MKRN2: variants seen among roughly 807,000 people sequenced by gnomAD.
MKRN2 encodes makorin ring finger protein 2.
A neutral mutation model predicts 45.4 loss-of-function variants in MKRN2; 32 were observed. That is an observed-to-expected ratio of 0.70 (90% CI 0.53 to 0.95). The LOEUF (loss-of-function observed/expected upper bound fraction) is 0.95. MKRN2 is among the 40% of genes least tolerant of loss of function. The pLI is 0.00. For synonymous variants in MKRN2, 206 were observed against 192.4 expected (o/e 1.07, Z -0.59); for missense variants, 526 against 536.7 (o/e 0.98, Z 0.20).
rs775083254 is a variant in MKRN2 at position 12,568,975 on chromosome 3, G to T, written c.127G>T (p.Gly43Cys). The stretch of plus-strand genomic sequence containing the variant: ...CACCATCTGCAAGTACTACCAGAAG[G>T]GCTACTGTGCCTATGGAACTCGGTG... ...PSTICKYYQK[G>C]YCAYGTRCRY... is the part of the protein sequence containing the mutation. The change falls in exon 2 of 8, where the codon GGC becomes TGC. Residue 43 changes from glycine to cysteine, a missense_variant. Gly to Cys is a radical substitution (Grantham distance 159, BLOSUM62 -3). Transcript: ENST00000170447. The T allele has an allele frequency of 6.2e-7, 1 of 1,614,052 alleles. No individual in the cohort carries two copies. The highest frequency in any genetic ancestry group is 8.5e-7 in the Non-Finnish European group (1 of 1,180,030).
At chr3:12,566,579 A>C (rs934016336) in intron 1 of MKRN2, among the ~76,000 whole-genome samples, 3 of 151,592 alleles carry the variant, frequency 2.0e-5, no homozygotes, top group African/African-American at 7.3e-5. Flanking sequence ...TGTATTTTTC[A>C]CTTCTAGAAG....
chr3:12,559,179 C>A (rs901258909), intron 1 of MKRN2, among the ~76,000 whole-genome samples: 3 of 152,156 alleles, frequency 2.0e-5, no homozygotes, highest in Non-Finnish European at 1.5e-5. Context: ...CGATGACTGC[C>A]TTGCCAAATA....
At chr3:12,558,901 T>C (rs549245737) in intron 1 of MKRN2, among the ~76,000 whole-genome samples, 2 of 152,334 alleles carry the variant, frequency 1.3e-5, no homozygotes, top group Admixed American at 6.5e-5. Flanking sequence ...CAACCAGCGC[T>C]CTTCCACAGA....
chr3:12,570,702 T>C (rs2058093220), intron 3 of MKRN2, among the ~76,000 whole-genome samples: 1 of 151,552 alleles, frequency 6.6e-6, no homozygotes. Context: ...CATGGTTTAG[T>C]AGAAACCCTG....
chr3:12,571,726 G>T (rs905751373), intron 3 of MKRN2, among the ~76,000 whole-genome samples: 2 of 152,026 alleles, frequency 1.3e-5, no homozygotes, highest in African/African-American at 4.8e-5. Flanking sequence ...CTGTTTTTTT[G>T]TTTGTTTTAG....
chr3:12,573,362 C>CA (rs75408992), intron 4 of MKRN2, among the ~76,000 whole-genome samples: 3,896 of 126,472 alleles, frequency 0.031, 64 homozygotes, highest in Non-Finnish European at 0.045. Flanking sequence ...CCCGTCTCTA[C>CA]AAAAAAAAAA....
In MKRN2 at chr3:12,582,536, GGATT is replaced by G. The variant is rs541523542; in HGVS notation, c.*289_*292del. The G allele has an allele frequency of 6.2e-4, 195 of 312,834 alleles. 2 individuals are homozygous for G. The highest frequency in any genetic ancestry group is 1.9e-3 in the Middle Eastern group (2 of 1,030). 19.4% of individuals were successfully genotyped at this position (312,834 alleles called of 1,614,324 possible). ...CAACTAACAAACACCCAAACTGTTT[GGATT>G]GATTGCTTTAAAAAACAAACCTGGC... On this transcript the variant is annotated 3_prime_UTR_variant, in exon 8 of 8. Transcript: ENST00000170447.
intron 1 of MKRN2, among the ~76,000 whole-genome samples, chr3:12,566,452 G>GTT (rs1373013776): frequency 3.1e-5 from 3 of 95,508 alleles, no homozygotes; most frequent in Admixed American, 1.0e-4. Context: ...AAGCAAGTTT[G>GTT]TTTCTCTCTC....
intron 1 of MKRN2, among the ~76,000 whole-genome samples, chr3:12,560,478 TAAAAAAAAAA>T (rs10651248): frequency 8.0e-6 from 1 of 124,970 alleles, no homozygotes; most frequent in Non-Finnish European, 1.7e-5. Context: ...TAGGAAAATG[TAAAAAAAAAA>T]AAAAAAAAAG....
chr3:12,578,967 CCCCAGCCTGTAGAAAAGGGT>C lies in MKRN2; in HGVS notation c.968+2242_968+2261del, dbSNP rs569125763. Reference sequence around the variant, plus strand: ...AGGGGTCCCAGCTTGTAGAAAAGGGCCCCAGCCTGTAGAAAAGGGTCCCAGCCTGTAGAAAGGGGCTCTGC... The same window carrying C: ...AGGGGTCCCAGCTTGTAGAAAAGGGCCCCAGCCTGTAGAAAGGGGCTCTGC... On this transcript the variant is annotated intron_variant, in intron 6 of 7. Transcript: ENST00000170447. 4.7e-3 allele frequency among the ~76,000 whole-genome samples: 717 copies of C among 151,212 alleles called. 8 individuals are homozygous for C. Among genetic ancestry groups the C allele is most frequent in the African/African-American group, 0.016 (666 of 41,168 alleles).
chr3:12,563,095 C>T, intron 1 of MKRN2, among the ~76,000 whole-genome samples: 1 of 152,128 alleles, frequency 6.6e-6, no homozygotes, highest in East Asian at 1.9e-4. Context: ...CTGGGGAAAG[C>T]CTAGCTGACT....
chr3:12,575,501 CAG>C (rs1179694521), intron 5 of MKRN2, among the ~76,000 whole-genome samples: 10 of 152,300 alleles, frequency 6.6e-5, no homozygotes, highest in East Asian at 1.9e-4. Flanking sequence ...TCCAGCAGGA[CAG>C]GGGAAGAGCT....
At chr3:12,566,832 A>T (rs1250012459) in intron 1 of MKRN2, among the ~76,000 whole-genome samples, 2 of 151,982 alleles carry the variant, frequency 1.3e-5, no homozygotes, top group Non-Finnish European at 2.9e-5. Flanking sequence ...CGAACTCCTG[A>T]CCTCTGGTCA....
chr3:12,570,276 T>G (rs2058090695), intron 3 of MKRN2, 24 bp downstream of exon 3: 8 of 1,600,940 alleles, frequency 5.0e-6, no homozygotes, highest in Non-Finnish European at 6.0e-6. Context: ...AGCCTTTTGT[T>G]GCGTCTTTTT....
Position 12,572,224 on chromosome 3 carries a change from A to G in MKRN2, c.493A>G (p.Ser165Gly). Reference protein sequence around the residue: ...LDDVEASSSYSNEQQLCPYAA... With the variant: ...LDDVEASSSYGNEQQLCPYAA... ...TGACGTGGAGGCCAGCAGCTCCTAC[A>G]GCAACGAGCAGCAGCTGTGCCCCTA... is the stretch of plus-strand genomic sequence containing the variant. The change falls in exon 4 of 8, where the codon AGC (serine) becomes GGC (glycine). Residue 165 changes from serine (S) to glycine (G), a missense_variant. Physicochemically the swap from Ser to Gly is moderately conservative, Grantham distance 56. Coordinates refer to ENST00000170447, the MANE Select transcript of MKRN2 (RefSeq NM_014160.5). 1.2e-6 allele frequency: 2 copies of G among 1,614,110 alleles called. No individual in the cohort carries two copies. The highest frequency in any genetic ancestry group is 8.5e-7 in the Non-Finnish European group (1 of 1,179,996).
intron 1 of MKRN2, among the ~76,000 whole-genome samples, chr3:12,558,361 G>A (rs1256115541): frequency 6.6e-6 from 1 of 152,138 alleles, no homozygotes; most frequent in Non-Finnish European, 1.5e-5. Flanking sequence ...GTGTGTTTAC[G>A]TATTTTTATT....
rs766760450 is a variant in MKRN2, at chr3:12,572,110, G to A, written c.379G>A (p.Val127Met). 6.2e-7 allele frequency: 1 copy of A among 1,613,584 alleles called. No individual in the cohort carries two copies. Among genetic ancestry groups the A allele is most frequent in the Non-Finnish European group, 8.5e-7 (1 of 1,179,734 alleles). The change falls in exon 4 of 8, where the codon GTG (valine) becomes ATG (methionine). Residue 127 changes from valine (V) to methionine (M), a missense_variant. Transcript: ENST00000170447. ...TGAAAGGAAGACCCAGCCGAGCATG[G>A]TGAGTAATCCAGGCAGCTGCAGCGA... ...MAERKTQPSMVSNPGSCSDPQ... is the reference protein window; with the variant it reads ...MAERKTQPSMMSNPGSCSDPQ...
At chr3:12,562,179 C>T (rs1252103002) in intron 1 of MKRN2, among the ~76,000 whole-genome samples, 1 of 152,176 alleles carries the variant, frequency 6.6e-6, no homozygotes, top group Non-Finnish European at 1.5e-5. Context: ...CACATAGGCA[C>T]CCTCTGCCTA....
At chr3:12,582,048 G>A (rs566665501) in intron 7 of MKRN2, 68 bp from the exon 8 acceptor site, 174 of 1,609,648 alleles carry the variant, frequency 1.1e-4, no homozygotes, top group Middle Eastern at 1.7e-4. Flanking sequence ...GCAAAAGAAC[G>A]ATCAAGGAAC....
Sources: gnomAD v4.1 joint callset for allele counts (sites outside exome capture counted in the v4.1 genomes callset) on GRCh38, gnomAD v4.1.1 for gene constraint, MANE v1.5 for transcripts, NCBI Gene and HGNC (gene_info 2026-07-23, HGNC 2026-07-21) for gene names.